The following SENP6 variants were observed in gnomAD, a reference collection of about 807,000 sequenced individuals.
The protein encoded by SENP6 is SUMO specific peptidase 6, also known as sentrin-specific protease 6.
SENP6 carries 41 observed loss-of-function variants against 134.5 expected under a neutral mutation model. The observed-to-expected ratio is 0.30, with a 90% confidence interval of 0.24 to 0.40. SENP6 has a LOEUF of 0.40. Among genes scored for constraint, SENP6 ranks in the 10% least tolerant of loss-of-function variants. The pLI is 1.00. For missense variants in SENP6, 1,248 were observed against 1,312.5 expected (o/e 0.95, Z 0.76); for synonymous variants, 395 against 429.8 (o/e 0.92, Z 1.00).
intron 18 of SENP6, 64 bp from the exon 19 acceptor site, chr6:75,702,581 T>G: frequency 3.0e-6 from 4 of 1,354,672 alleles, no homozygotes; most frequent in Non-Finnish European, 4.0e-6. Flanking sequence ...TTAATTGATA[T>G]GTATTGCCAA....
rs1363455599 is a variant in SENP6 at position 75,715,526 on chromosome 6, G to T, written c.3271G>T (p.Asp1091Tyr). 4.3e-6 allele frequency: 7 copies of T among 1,613,314 alleles called. No homozygotes were observed. Among genetic ancestry groups the T allele is most frequent in the South Asian group, 1.1e-5 (1 of 91,052 alleles). Residue 1091 changes from aspartate to tyrosine, a missense_variant, in exon 24 of 24, where the codon GAC (aspartate) becomes TAC (tyrosine). Physicochemically the swap from Asp to Tyr is radical, Grantham distance 160. Coordinates refer to ENST00000447266, the MANE Select transcript of SENP6 (RefSeq NM_015571.4). ...DQSKEKRKHK[D>Y]TYSTEAPLGE... is the part of the protein sequence containing the mutation. ...GAGCAAAGAGAAAAGAAAGCATAAG[G>T]ACACTTACTCAACAGAAGCACCTTT...
In SENP6 at chr6:75,717,477, C is replaced by T. The variant is rs1034889031; in HGVS notation, c.*1883C>T. 1.3e-5 allele frequency: 2 copies of T among 152,020 alleles called. No homozygotes were observed. The highest frequency in any genetic ancestry group is 4.8e-5 in the African/African-American group (2 of 41,424). The allele number at this position is 152,020 out of a possible 1,614,324, so 9.4% of individuals were successfully genotyped here. A position where few individuals can be genotyped will look rare whatever the true frequency, so the allele number is the denominator to read the frequency against. ...AAAAATATAGATTAATGTATGTCAG[C>T]TTTCTAGAGGTAGAATACTCAGCTA... On this transcript the variant is annotated 3_prime_UTR_variant, in exon 24 of 24. Transcript: ENST00000447266.
intron 16 of SENP6, among the ~76,000 whole-genome samples, chr6:75,684,897 A>T (rs1471773147): frequency 2.0e-5 from 3 of 152,176 alleles, no homozygotes; most frequent in Admixed American, 1.3e-4. Context: ...TGGTATCAGG[A>T]TGATTCTGGC....
Position 75,663,523 on chromosome 6 carries a change from GTATTT to G in SENP6, c.994+8_994+12del. 1.9e-6 allele frequency: 3 copies of G among 1,598,870 alleles called. No individual in the cohort carries two copies. Among genetic ancestry groups the G allele is most frequent in the Non-Finnish European group, 2.6e-6 (3 of 1,175,274 alleles). On this transcript the variant is annotated splice_donor_region_variant and intron_variant, in intron 9 of 23. Transcript: ENST00000447266. ...TGTCAGACCTAAATGATCCAAGTAA[GTATTT>G]TACTCCCTTTAATATTGCTTATATC...
Position 75,677,014 on chromosome 6 carries a change from AT to A in SENP6, c.1622-13del. On this transcript the variant is annotated splice_polypyrimidine_tract_variant and intron_variant, in intron 13 of 23. Coordinates refer to ENST00000447266, the MANE Select transcript of SENP6 (RefSeq NM_015571.4). The stretch of plus-strand genomic sequence containing the variant: ...CTTTTGTGTTTTTTTTTGGACTTAT[AT>A]TTATTTCTTTTCAGATTTAGAAGAA... 1.6e-6 allele frequency: 2 copies of A among 1,247,352 alleles called. No individual in the cohort carries two copies. Among genetic ancestry groups the A allele is most frequent in the Non-Finnish European group, 2.3e-6 (2 of 878,366 alleles). 77.3% of individuals were successfully genotyped at this position (1,247,352 alleles called of 1,614,324 possible).
intron 10 of SENP6, among the ~76,000 whole-genome samples, chr6:75,669,852 C>T (rs1481996199): frequency 6.6e-6 from 1 of 152,170 alleles, no homozygotes; most frequent in African/African-American, 2.4e-5. Flanking sequence ...TATGCATTAA[C>T]TCAGTTGAGT....
chr6:75,702,919 T>G lies in SENP6; in HGVS notation c.2563T>G (p.Cys855Gly). 6.2e-7 allele frequency: 1 copy of G among 1,614,022 alleles called. No homozygotes were observed. Among genetic ancestry groups the G allele is most frequent in the Non-Finnish European group, 8.5e-7 (1 of 1,179,990 alleles). Reference protein sequence around the residue: ...ESDPRYKRNICSVKYSVKKIN... With the variant: ...ESDPRYKRNIGSVKYSVKKIN... ...TGACCCTCGTTATAAGAGAAACATATGCAGTGTAAAATACAGTGTGAAAAA... is the reference window on the plus strand; with the variant it reads ...TGACCCTCGTTATAAGAGAAACATAGGCAGTGTAAAATACAGTGTGAAAAA... The change falls in exon 19 of 24, where the codon TGC becomes GGC. Residue 855 changes from cysteine to glycine, a missense_variant. Physicochemically the swap from Cys to Gly is radical, Grantham distance 159. This residue lies in a region of SENP6 where 386 missense variants were observed against 395.0 expected (regional missense o/e 0.98). Transcript: ENST00000447266.
At chr6:75,677,929 T>C (rs1773205514) in intron 14 of SENP6, 1 of 152,326 alleles carries the variant, frequency 6.6e-6, no homozygotes, top group Admixed American at 6.5e-5. Flanking sequence ...CTTGGAAATA[T>C]GGCTATCCAC....
chr6:75,708,264 G>C (rs1775535052), intron 19 of SENP6, among the ~76,000 whole-genome samples: 1 of 152,094 alleles, frequency 6.6e-6, no homozygotes, highest in Non-Finnish European at 1.5e-5. Context: ...GTTTCACCAT[G>C]TTAGCCAGTC....
chr6:75,630,539 C>G (rs1358156896), intron 3 of SENP6, among the ~76,000 whole-genome samples: 1 of 152,144 alleles, frequency 6.6e-6, no homozygotes, highest in Non-Finnish European at 1.5e-5. Context: ...CTGCTCTGAG[C>G]TATTTTTCTT....
chr6:75,626,113 T>C (rs936702545), intron 3 of SENP6, among the ~76,000 whole-genome samples: 2 of 142,582 alleles, frequency 1.4e-5, no homozygotes, highest in African/African-American at 5.2e-5. Context: ...ACCAACTAAA[T>C]AGAGAGTTAG....
intron 16 of SENP6, among the ~76,000 whole-genome samples, chr6:75,690,634 A>ATCAG (rs1273058595): frequency 6.6e-6 from 1 of 152,124 alleles, no homozygotes; most frequent in East Asian, 1.9e-4. Flanking sequence ...TACACTGCTG[A>ATCAG]ACTCTACACT....
intron 17 of SENP6, 64 bp downstream of exon 17, chr6:75,695,987 C>T: frequency 1.4e-6 from 2 of 1,401,096 alleles, no homozygotes; most frequent in Non-Finnish European, 9.6e-7. Context: ...AGTGAAAAAT[C>T]ACGTACTTGA....
chr6:75,609,615 T>C (rs1382673178), intron 1 of SENP6, among the ~76,000 whole-genome samples: 2 of 152,188 alleles, frequency 1.3e-5, no homozygotes, highest in Non-Finnish European at 2.9e-5. Flanking sequence ...TCAACAGTCA[T>C]GTGGTATTTT....
At chr6:75,623,789 A>C in intron 2 of SENP6, 111 bp from the exon 3 acceptor site, 1 of 867,180 alleles carries the variant, frequency 1.2e-6, no homozygotes, top group South Asian at 1.8e-5. Flanking sequence ...CCCTTTACAG[A>C]AAAAGTTTGC....
chr6:75,664,765 A>G (rs1404256589), intron 9 of SENP6, among the ~76,000 whole-genome samples: 1 of 152,192 alleles, frequency 6.6e-6, no homozygotes, highest in African/African-American at 2.4e-5. Flanking sequence ...TTAAGCATTT[A>G]TGTTTGAAAT....
chr6:75,708,450 G>A (rs977984503), intron 19 of SENP6, among the ~76,000 whole-genome samples: 2 of 152,176 alleles, frequency 1.3e-5, no homozygotes, highest in East Asian at 1.9e-4. Context: ...AATCAGCTGG[G>A]CATAGTGGTG....
intron 9 of SENP6, among the ~76,000 whole-genome samples, chr6:75,663,756 G>C (rs1771954936): frequency 6.7e-6 from 1 of 148,856 alleles, no homozygotes; most frequent in Non-Finnish European, 1.5e-5. Context: ...CTTCGGCCAG[G>C]TTAATTTAAT....
intron 3 of SENP6, among the ~76,000 whole-genome samples, chr6:75,626,272 G>A (rs908479514): frequency 6.6e-6 from 1 of 151,670 alleles, no homozygotes; most frequent in African/African-American, 2.4e-5. Flanking sequence ...ATCTAATTTT[G>A]TCTTGATTCC....
Sources: allele counts gnomAD v4.1 joint callset (sites outside exome capture counted in the v4.1 genomes callset), GRCh38; gene constraint gnomAD v4.1.1; regional missense constraint gnomAD v4.1.1; transcripts MANE v1.5; gene names NCBI Gene and HGNC (gene_info 2026-07-23, HGNC 2026-07-21).